MACF1: variants seen among roughly 807,000 people sequenced by gnomAD.
The protein encoded by MACF1 is microtubule-actin cross-linking factor 1.
In MACF1, 193 loss-of-function variants were observed where a neutral mutation model predicts 854.8. The ratio of observed to expected loss-of-function variants is 0.23; its 90% CI spans 0.20 to 0.25. The LOEUF is 0.25. Among genes scored for constraint, MACF1 ranks in the 10% least tolerant of loss-of-function variants. MACF1 has a pLI of 1.00. For missense variants in MACF1, 7,722 were observed against 8,929.1 expected, an observed-to-expected ratio of 0.86 and a Z score of 5.45; for synonymous variants, 3,185 against 3,226.7, an observed-to-expected ratio of 0.99 and a Z score of 0.44.
chr1:39,232,754 T>TTTTTTTG (rs1553174806), intron 2 of MACF1, among the ~76,000 whole-genome samples: 76 of 58,414 alleles, frequency 1.3e-3, no homozygotes, highest in Non-Finnish European at 2.9e-3. Context: ...TTGTTTTTTT[T>TTTTTTTG]TTTTTTTTTT....
At chr1:39,472,261 T>C (rs146132463) in intron 97 of MACF1, among the ~76,000 whole-genome samples, 8 of 152,350 alleles carry the variant, frequency 5.3e-5, no homozygotes, top group Admixed American at 1.3e-4. Context: ...AATGTAAATA[T>C]TAAGAGTACC....
intron 58 of MACF1, among the ~76,000 whole-genome samples, chr1:39,398,732 A>G (rs1642365813): frequency 6.6e-6 from 1 of 152,234 alleles, no homozygotes; most frequent in South Asian, 2.1e-4. Flanking sequence ...AGATAGAGTC[A>G]GGATCTTGGG....
chr1:39,096,958 C>G (rs11583465), intron 2 of MACF1, among the ~76,000 whole-genome samples: 1 of 146,764 alleles, frequency 6.8e-6, no homozygotes, highest in Admixed American at 7.0e-5. Context: ...CTCACTGCAA[C>G]CTCTGCCTCC....
intron 6 of MACF1, chr1:39,269,475 C>G: frequency 7.8e-7 from 1 of 1,289,796 alleles, no homozygotes; most frequent in Non-Finnish European, 1.0e-6. Flanking sequence ...ACGCACGGAG[C>G]CTTCCCATGT....
intron 2 of MACF1, among the ~76,000 whole-genome samples, chr1:39,119,441 TA>T (rs1642638051): frequency 6.6e-6 from 1 of 152,024 alleles, no homozygotes; most frequent in African/African-American, 2.4e-5. Context: ...TTGTTGTTGT[TA>T]CTTTTTGTGT....
intron 58 of MACF1, among the ~76,000 whole-genome samples, chr1:39,402,839 A>G (rs1229121490): frequency 3.9e-5 from 6 of 151,912 alleles, no homozygotes; most frequent in South Asian, 2.1e-4. Flanking sequence ...AAGTTAATTT[A>G]CTTTCTGGAC....
Position 39,283,410 on chromosome 1 carries a change from T to C in MACF1, c.810T>C (p.Asp270=). 7 of 1,606,120 alleles carry C rather than the reference T, an allele frequency of 4.4e-6. No homozygotes were observed. The highest frequency in any genetic ancestry group is 6.0e-6 in the Non-Finnish European group (7 of 1,172,684). The change falls in exon 9 of 101, where the codon GAT becomes GAC. Residue 270 remains aspartate (D), a splice_region_variant and synonymous_variant. Coordinates refer to ENST00000564288, the MANE Select transcript of MACF1 (RefSeq NM_001394062.1). This position sits in a 1 kb window ranked among gnomAD's most constrained non-coding sequence, Gnocchi z 4.5. ...AATTTCTTGTCCATTCTCTCTCAGA[T>C]GTGGATGTGCCATCTCCAGATGAAA... is the stretch of plus-strand genomic sequence containing the variant. The part of the protein sequence containing the change: ...LGVTRLLDAE[D]VDVPSPDEKS...
Position 39,312,495 on chromosome 1 carries a change from A to G in MACF1, c.3270+1495A>G, listed in dbSNP as rs141554102. On this transcript the variant is annotated intron_variant, in intron 26 of 100. Transcript: ENST00000564288. ...CTTCAAAAAACAAGGGCAGCCTCTT[A>G]CATAACCACAGAACAATGATAAACA... Among the ~76,000 whole-genome samples the G allele has an allele frequency of 2.8e-3, 429 of 152,300 alleles. 1 individual carries two copies. Among genetic ancestry groups the G allele is most frequent in the Non-Finnish European group, 5.0e-3 (342 of 68,030 alleles).
Position 39,105,321 on chromosome 1 carries a change from AGCCGCCGCCGCCGCCC to A in MACF1, c.220+20889_220+20904del, listed in dbSNP as rs921314988. The A allele has an allele frequency of 3.7e-6, 3 of 811,858 alleles. No individual in the cohort carries two copies. Among genetic ancestry groups the A allele is most frequent in the Non-Finnish European group, 3.0e-6 (2 of 672,918 alleles). 50.3% of individuals were successfully genotyped at this position (811,858 alleles called of 1,614,324 possible). On this transcript the variant is annotated intron_variant, in intron 2 of 93. Transcript: ENST00000361689. This position sits in a 1 kb window ranked among gnomAD's most constrained non-coding sequence, Gnocchi z 5.9. Reference sequence around the variant, plus strand: ...CGGGCCTGGCGCTCCTGACAGGAGGAGCCGCCGCCGCCGCCCGCCGCTGCAGCCGCGCCGGGGCGGG... The same window carrying A: ...CGGGCCTGGCGCTCCTGACAGGAGGAGCCGCTGCAGCCGCGCCGGGGCGGG...
intron 58 of MACF1, chr1:39,411,043 C>T: frequency 6.2e-7 from 1 of 1,613,870 alleles, no homozygotes; most frequent in Non-Finnish European, 8.5e-7. Context: ...TGCAACCTGG[C>T]CGAGGGCCAC....
At chr1:39,192,012 G>A (rs1447107761) in intron 2 of MACF1, among the ~76,000 whole-genome samples, 1 of 152,222 alleles carries the variant, frequency 6.6e-6, no homozygotes, top group Admixed American at 6.5e-5. Context: ...TTAGCTGGGT[G>A]TGGTGGTGTA....
rs1259154169 is a variant in MACF1, at chr1:39,428,256, A to T, written c.16772A>T (p.Asp5591Val). 5 of 1,613,134 alleles carry T rather than the reference A, an allele frequency of 3.1e-6. No homozygotes were observed. Among genetic ancestry groups the T allele is most frequent in the African/African-American group, 1.3e-5 (1 of 74,920 alleles). Residue 5591 changes from aspartate (D) to valine (V), a missense_variant, in exon 63 of 101, where the codon GAT (aspartate) becomes GTT (valine). By Grantham distance (152) the Asp-to-Val change is radical. Coordinates refer to ENST00000564288, the MANE Select transcript of MACF1 (RefSeq NM_001394062.1). Reference protein sequence around the residue: ...SSVFVKDFKQDVLHRQHADHL... With the variant: ...SSVFVKDFKQVVLHRQHADHL... ...GTGTTCGTAAAGGATTTCAAACAGG[A>T]TGTCCTGCACAGGCAGCATGCTGAC...
In MACF1 at chr1:39,334,593, G is replaced by A; in HGVS notation, c.8005G>A (p.Ala2669Thr). Residue 2669 changes from alanine (A) to threonine (T), a missense_variant, in exon 37 of 101, where the codon GCA becomes ACA. Transcript: ENST00000564288. ...VSDKVLTLSQ[A>T]IQLGKVDFAS... ...CGACAAAGTGCTTACATTGTCTCAA[G>A]CAATTCAGCTTGGAAAAGTAGACTT... 6.2e-7 allele frequency: 1 copy of A among 1,614,078 alleles called. No homozygotes were observed. The highest frequency in any genetic ancestry group is 8.5e-7 in the Non-Finnish European group (1 of 1,180,010).
rs1245358186 is a variant in MACF1, at chr1:39,333,027, G to A, written c.6439G>A (p.Asp2147Asn). The change falls in exon 37 of 101, where the codon GAC (aspartate) becomes AAC (asparagine). Residue 2147 changes from aspartate (D) to asparagine (N), a missense_variant. Physicochemically the swap from Asp to Asn is conservative, Grantham distance 23. This residue lies in a region of MACF1 where 1,531 missense variants were observed against 1,601.6 expected (regional missense o/e 0.96). Transcript: ENST00000564288. ...AEAEGVPLVV[D>N]KDVFSVETPK... is the part of the protein sequence containing the mutation. ...GGCGGAAGGTGTGCCGTTGGTGGTT[G>A]ACAAAGATGTTTTTTCTGTTGAAAC... The A allele has an allele frequency of 6.2e-7, 1 of 1,614,082 alleles. No homozygotes were observed. The highest frequency in any genetic ancestry group is 1.1e-5 in the South Asian group (1 of 91,056).
At chr1:39,318,207 A>G (rs937444110) in intron 29 of MACF1, among the ~76,000 whole-genome samples, 2 of 152,114 alleles carry the variant, frequency 1.3e-5, no homozygotes, top group African/African-American at 2.4e-5. Context: ...TTATTGTGGG[A>G]TGCTAGACCA....
At chr1:39,417,136 T>C (rs1225606455) in intron 58 of MACF1, among the ~76,000 whole-genome samples, 2 of 152,218 alleles carry the variant, frequency 1.3e-5, no homozygotes, top group African/African-American at 4.8e-5. Context: ...TGTATGTATA[T>C]GTGCAAGTGC....
chr1:39,138,171 C>T (rs1268601812), intron 2 of MACF1, among the ~76,000 whole-genome samples: 7 of 151,376 alleles, frequency 4.6e-5, no homozygotes, highest in African/African-American at 1.7e-4. Context: ...CTACCTGTCA[C>T]TCAAGGATCT....
chr1:39,324,966 A>G (rs1646581943), intron 35 of MACF1, among the ~76,000 whole-genome samples: 1 of 152,232 alleles, frequency 6.6e-6, no homozygotes. Context: ...ATATGAAGAA[A>G]GGATTGACAT....
chr1:39,374,466 T>C (rs981421232), intron 52 of MACF1, among the ~76,000 whole-genome samples: 2 of 152,358 alleles, frequency 1.3e-5, no homozygotes, highest in East Asian at 3.9e-4. Flanking sequence ...TTTCAGGGAA[T>C]TGGTGATATA....
Sources: allele counts gnomAD v4.1 joint callset (sites outside exome capture counted in the v4.1 genomes callset), GRCh38; gene constraint gnomAD v4.1.1; regional missense constraint gnomAD v4.1.1; non-coding constraint Gnocchi (gnomAD v3.1); transcripts MANE v1.5; gene names NCBI Gene and HGNC (gene_info 2026-07-23, HGNC 2026-07-21).